The following ADGRE3 variants were observed in gnomAD, a reference collection of about 807,000 sequenced individuals.
ADGRE3 encodes the protein adhesion G protein-coupled receptor E3.
ADGRE3 carries 88 observed loss-of-function variants against 80.1 expected under a neutral mutation model. The ratio of observed to expected loss-of-function variants is 1.10; its 90% CI spans 0.93 to 1.31. The LOEUF (loss-of-function observed/expected upper bound fraction) is 1.31, where lower values mean the gene tolerates loss of function less well. Ranked by LOEUF, ADGRE3 falls within the 40% of genes most tolerant of loss-of-function variation. The pLI is 0.00. For synonymous variants in ADGRE3, 281 were observed against 294.8 expected (o/e 0.95, Z 0.48); for missense variants, 715 against 776.5 (o/e 0.92, Z 0.94).
chr19:14,623,907 G>A (rs1414142620), intron 15 of ADGRE3, among the ~76,000 whole-genome samples: 2 of 152,078 alleles, frequency 1.3e-5, no homozygotes, highest in African/African-American at 4.8e-5. Context: ...ACAAGAATGA[G>A]GAACTCAAAC....
rs748372391 is a variant in ADGRE3, at chr19:14,655,179, A to C, written c.394-14T>G. The C allele has an allele frequency of 8.8e-6, 14 of 1,593,404 alleles. No individual in the cohort carries two copies. The African/African-American group carries it at 1.1e-4, about 12-fold the overall frequency. The stretch of plus-strand genomic sequence containing the variant: ...AATCTTTTGCAGCTTTGAAGACATA[A>C]AGAATTTTCATTTTTTAAAAATGTA... On this transcript the variant is annotated splice_polypyrimidine_tract_variant and intron_variant, in intron 5 of 15. Transcript: ENST00000253673.
chr19:14,669,262 C>T (rs1337569884), intron 1 of ADGRE3, among the ~76,000 whole-genome samples: 2 of 152,122 alleles, frequency 1.3e-5, no homozygotes, highest in Admixed American at 6.5e-5. Flanking sequence ...CCCTTAGCAG[C>T]AACATGGATG....
At chr19:14,616,025 A>G (rs112579887), downstream of ADGRE3, among the ~76,000 whole-genome samples, 10,242 of 148,126 alleles carry the variant, frequency 0.069, 464 homozygotes, top group African/African-American at 0.13. Context: ...TCCGCCTCCC[A>G]GGTTCAAGTG....
chr19:14,666,378 A>AT (rs34328222), intron 2 of ADGRE3, among the ~76,000 whole-genome samples: 30 of 143,558 alleles, frequency 2.1e-4, no homozygotes, highest in Non-Finnish European at 3.0e-4. Context: ...TTCTTGGCCT[A>AT]TTTTTTTTTT....
chr19:14,627,568 G>A (rs1970767605), intron 14 of ADGRE3, among the ~76,000 whole-genome samples: 1 of 151,816 alleles, frequency 6.6e-6, no homozygotes, highest in East Asian at 2.0e-4. Flanking sequence ...TAGTAGAGAC[G>A]GGCTTTCACC....
intron 11 of ADGRE3, among the ~76,000 whole-genome samples, chr19:14,637,393 CT>C (rs34233724): frequency 0.31 from 38,898 of 127,340 alleles, 5,594 homozygotes; most frequent in East Asian, 0.56. Flanking sequence ...TTTTTAAGCT[CT>C]TTTTTTTTTT....
At chr19:14,668,396 T>TAG (rs958436858) in intron 2 of ADGRE3, among the ~76,000 whole-genome samples, 1 of 152,040 alleles carries the variant, frequency 6.6e-6, no homozygotes, top group South Asian at 2.1e-4. Flanking sequence ...CTTGTGAATC[T>TAG]AGAGAGAGAG....
intron 5 of ADGRE3, 39 bp downstream of exon 5, chr19:14,658,474 T>C: frequency 6.7e-7 from 1 of 1,490,198 alleles, no homozygotes; most frequent in East Asian, 2.6e-5. Context: ...TACTGATGTT[T>C]GTTACCTGGG....
At chr19:14,602,611 C>A in the ADGRE3 span, among the ~76,000 whole-genome samples, 1 of 152,100 alleles carries the variant, frequency 6.6e-6, no homozygotes, top group South Asian at 2.1e-4. Flanking sequence ...ATTTTTAGAC[C>A]GTTTACATTT....
chr19:14,630,649 A>G (rs1432928319), intron 13 of ADGRE3, among the ~76,000 whole-genome samples: 1 of 151,866 alleles, frequency 6.6e-6, no homozygotes, highest in Non-Finnish European at 1.5e-5. Context: ...CCTGACCTCA[A>G]GAGATCCACC....
At chr19:14,611,642 C>T in the ADGRE3 span, among the ~76,000 whole-genome samples, 18 of 152,064 alleles carry the variant, frequency 1.2e-4, no homozygotes, top group African/African-American at 3.6e-4. Flanking sequence ...CACAGGACAA[C>T]GATGGACCTA....
intron 10 of ADGRE3, 85 bp downstream of exon 10, chr19:14,641,334 T>C (rs1311227918): frequency 7.8e-6 from 12 of 1,540,648 alleles, no homozygotes; most frequent in Non-Finnish European, 3.6e-6. Flanking sequence ...CAAGGACATT[T>C]TATTAAGGAA....
chr19:14,630,969 G>A (rs1312263761), intron 13 of ADGRE3, among the ~76,000 whole-genome samples: 2 of 151,922 alleles, frequency 1.3e-5, no homozygotes, highest in Admixed American at 6.6e-5. Context: ...CAGCTCATGG[G>A]TTCAAGCGAT....
chr19:14,603,702 G>A, the ADGRE3 span, among the ~76,000 whole-genome samples: 1 of 151,960 alleles, frequency 6.6e-6, no homozygotes. Flanking sequence ...ATGATCTCAA[G>A]TGATCTGCTC....
At chr19:14,628,759 A>G (rs1482029185) in intron 14 of ADGRE3, 2 of 329,272 alleles carry the variant, frequency 6.1e-6, no homozygotes, top group Non-Finnish European at 1.2e-5. Flanking sequence ...GTTACAAGGA[A>G]GGCTGTGTGA....
the ADGRE3 span, chr19:14,607,078 T>C: frequency 2.3e-6 from 3 of 1,329,274 alleles, no homozygotes; most frequent in Admixed American, 6.2e-5. Context: ...TGGAGGTGGC[T>C]GGATGGGTCT....
At chr19:14,612,859 T>C in the ADGRE3 span, among the ~76,000 whole-genome samples, 1 of 151,980 alleles carries the variant, frequency 6.6e-6, no homozygotes, top group Non-Finnish European at 1.5e-5. Context: ...TAACTCAACA[T>C]AGTATTCCCT....
the ADGRE3 span, among the ~76,000 whole-genome samples, chr19:14,605,797 G>A: frequency 6.6e-6 from 1 of 152,194 alleles, no homozygotes; most frequent in Non-Finnish European, 1.5e-5. Context: ...GGAGTGCAGT[G>A]GTGCATTCAT....
At position 14,665,936 on chromosome 19, in the gene ADGRE3, G is replaced by GTATATATATGCATACATACATA. The variant is rs71166783; in HGVS notation, c.77-2397_77-2396insTATGTATGTATGCATATATATA. 3.6e-4 allele frequency among the ~76,000 whole-genome samples: 15 copies of GTATATATATGCATACATACATA among 42,102 alleles called. 1 individual carries two copies. Among genetic ancestry groups the GTATATATATGCATACATACATA allele is most frequent in the South Asian group, 3.2e-3 (4 of 1,246 alleles). The allele number at this position is 42,102 out of a possible 152,430, so 27.6% of individuals were successfully genotyped here. On this transcript the variant is annotated intron_variant, in intron 2 of 15. Transcript: ENST00000253673. ...ATATATTGCATATACACACATATGT[G>GTATATATATGCATACATACATA]TATATATATATATATATATATATAT...
Sources: gnomAD v4.1 joint callset for allele counts (sites outside exome capture counted in the v4.1 genomes callset) on GRCh38, gnomAD v4.1.1 for gene constraint, MANE v1.5 for transcripts, NCBI Gene and HGNC (gene_info 2026-07-23, HGNC 2026-07-21) for gene names.